Variants in ITGAM observed in about 807,000 individuals in gnomAD.
The protein encoded by ITGAM is integrin alpha-M.
Under a neutral mutation model 137.5 loss-of-function variants are expected in ITGAM, and 79 were observed. The observed-to-expected ratio is 0.57, with a 90% confidence interval of 0.48 to 0.69. The LOEUF (loss-of-function observed/expected upper bound fraction) is 0.69. ITGAM is among the 30% of genes least tolerant of loss of function. The probability of loss-of-function intolerance (pLI) is 0.00; values close to 1 mark genes in which losing one functional copy is unlikely to be tolerated. For missense variants in ITGAM, 1,343 were observed against 1,483.5 expected (o/e 0.91, Z 1.56); for synonymous variants, 583 against 592.3 (o/e 0.98, Z 0.23).
rs1372501261 is a variant in ITGAM at position 31,289,198 on chromosome 16, G to A, written c.1357-8316G>A. 4.6e-5 allele frequency among the ~76,000 whole-genome samples: 7 copies of A among 152,184 alleles called. No homozygotes were observed. The East Asian group carries it at 7.7e-4, about 17-fold the overall frequency. On this transcript the variant is annotated intron_variant, in intron 12 of 29. Transcript: ENST00000544665. Reference sequence around the variant, plus strand: ...CAACCATTGTGGAAGACAGTGTGGCGATTCCTCAAGGATCTAGAACTAGAA... The same window carrying A: ...CAACCATTGTGGAAGACAGTGTGGCAATTCCTCAAGGATCTAGAACTAGAA...
intron 12 of ITGAM, among the ~76,000 whole-genome samples, chr16:31,288,499 A>C (rs1025178751): frequency 6.6e-6 from 1 of 152,192 alleles, no homozygotes; most frequent in African/African-American, 2.4e-5. Flanking sequence ...CAAAAACAAG[A>C]AATGGGGAAA....
chr16:31,311,462 A>C (rs988431838), intron 14 of ITGAM, among the ~76,000 whole-genome samples: 23 of 152,340 alleles, frequency 1.5e-4, no homozygotes, highest in Admixed American at 4.6e-4. Flanking sequence ...ACCCCATCAA[A>C]AAGTGGGTGA....
chr16:31,320,900 G>A (rs1049061144), intron 14 of ITGAM, among the ~76,000 whole-genome samples: 8 of 152,164 alleles, frequency 5.3e-5, no homozygotes, highest in East Asian at 1.9e-4. Flanking sequence ...GGGGTTGGGC[G>A]TGGCGGCTCA....
At chr16:31,302,540 TTG>T (rs2080218162) in intron 14 of ITGAM, among the ~76,000 whole-genome samples, 1 of 151,140 alleles carries the variant, frequency 6.6e-6, no homozygotes, top group Non-Finnish European at 1.5e-5. Context: ...TCTTTTGTTT[TTG>T]TTTTTGTTTT....
At chr16:31,329,574 T>A (rs1024525241) in intron 24 of ITGAM, among the ~76,000 whole-genome samples, 2 of 151,370 alleles carry the variant, frequency 1.3e-5, no homozygotes, top group South Asian at 4.2e-4. Context: ...CTCAGAGAGG[T>A]TTACAGAACA....
chr16:31,299,693 G>A (rs988387705), intron 14 of ITGAM, among the ~76,000 whole-genome samples: 2 of 151,906 alleles, frequency 1.3e-5, no homozygotes, highest in Non-Finnish European at 2.9e-5. Context: ...TTAGAATAAC[G>A]TCCTCCAGGT....
At chr16:31,300,239 A>T (rs1355307826) in intron 14 of ITGAM, among the ~76,000 whole-genome samples, 1 of 152,188 alleles carries the variant, frequency 6.6e-6, no homozygotes. Flanking sequence ...GCTGCAATGA[A>T]CATGGGCACG....
chr16:31,319,829 T>C (rs1221738481), intron 14 of ITGAM, among the ~76,000 whole-genome samples: 1 of 151,972 alleles, frequency 6.6e-6, no homozygotes, highest in African/African-American at 2.4e-5. Flanking sequence ...TTTTTTTTTT[T>C]TGAGACGGAA....
Position 31,272,008 on chromosome 16 carries a change from T to G in ITGAM, c.704+16T>G, listed in dbSNP as rs2144288852. On this transcript the variant is annotated intron_variant, in intron 7 of 29. Transcript: ENST00000544665. ...GCAAAGTGGTGTAAGCTTCCCCTTT[T>G]CCCTTAGGATGGAGGGAGGAGGAGA... The G allele has an allele frequency of 6.2e-7, 1 of 1,613,892 alleles. No individual in the cohort carries two copies. The highest frequency in any genetic ancestry group is 2.2e-5 in the East Asian group (1 of 44,864).
Position 31,324,421 on chromosome 16 carries a change from T to C in ITGAM, c.2025T>C (p.Thr675=). The C allele has an allele frequency of 6.4e-7, 1 of 1,552,474 alleles. No individual in the cohort carries two copies. ...LREGQIQSVV[T]YDLALDSGRP... ...CAGGACAGATCCAGAGTGTTGTGAC[T>C]TATGACCTGGCTCTGGACTCCGGCC... Residue 675 remains threonine (T), a synonymous_variant, in exon 17 of 30, where the codon ACT becomes ACC. Coordinates refer to ENST00000544665, the MANE Select transcript of ITGAM (RefSeq NM_000632.4). This position sits in a 1 kb window ranked among gnomAD's most constrained non-coding sequence, Gnocchi z 4.5.
chr16:31,268,164 C>A (rs2079790885), intron 5 of ITGAM, among the ~76,000 whole-genome samples: 1 of 152,118 alleles, frequency 6.6e-6, no homozygotes, highest in African/African-American at 2.4e-5. Flanking sequence ...TCACCCCCGG[C>A]TGGCCTCCAG....
At chr16:31,272,234 G>A (rs1250270383) in intron 7 of ITGAM, among the ~76,000 whole-genome samples, 3 of 151,086 alleles carry the variant, frequency 2.0e-5, no homozygotes, top group African/African-American at 7.3e-5. Flanking sequence ...AGGCCAGGGA[G>A]CCAAAGGCAG....
At position 31,308,369 on chromosome 16, in the gene ITGAM, T is replaced by G. The variant is rs2080287490; in HGVS notation, c.1707+10415T>G. Among the ~76,000 whole-genome samples the G allele has an allele frequency of 4.6e-5, 7 of 152,198 alleles. No individual in the cohort carries two copies. In the South Asian group the frequency reaches 1.4e-3, roughly 31 times the overall value. On this transcript the variant is annotated intron_variant, in intron 14 of 29. Transcript: ENST00000544665. ...TCAGAGATTCAGCTTCTTCCTGGTTTAGTCTTGGGAGAGTGTATGTGTCGA... is the reference window on the plus strand; with the variant it reads ...TCAGAGATTCAGCTTCTTCCTGGTTGAGTCTTGGGAGAGTGTATGTGTCGA...
intron 11 of ITGAM, among the ~76,000 whole-genome samples, chr16:31,277,594 G>A (rs952399973): frequency 1.3e-5 from 2 of 152,046 alleles, no homozygotes; most frequent in Non-Finnish European, 2.9e-5. Context: ...CCAACCTCAG[G>A]TGATCCACCT....
At position 31,281,863 on chromosome 16, in the gene ITGAM, A is replaced by G. The variant is rs1328891684; in HGVS notation, c.1356+3754A>G. ...CTTTCTCTTGTGGGCATTTAGTGCT[A>G]TAAATTTCCCTCTACACACTGCTTT... On this transcript the variant is annotated intron_variant, in intron 12 of 29. Transcript: ENST00000544665. 2.6e-5 allele frequency among the ~76,000 whole-genome samples: 4 copies of G among 152,220 alleles called. No homozygotes were observed. In the South Asian group the frequency reaches 6.2e-4, roughly 24 times the overall value.
chr16:31,271,070 A>C lies in ITGAM; in HGVS notation c.544A>C (p.Lys182Gln). 6.4e-7 allele frequency: 1 copy of C among 1,574,342 alleles called. No individual in the cohort carries two copies. Among genetic ancestry groups the C allele is most frequent in the South Asian group, 1.2e-5 (1 of 84,928 alleles). ...FVSTVMEQLK[K>Q]SKTLFSLMQY... is the part of the protein sequence containing the mutation. Reference sequence around the variant, plus strand: ...CTCAACTGTGATGGAGCAATTAAAAAAGTCCAAAACCTTGGTGAGGGCCCA... The same window carrying C: ...CTCAACTGTGATGGAGCAATTAAAACAGTCCAAAACCTTGGTGAGGGCCCA... Residue 182 changes from lysine to glutamine, a missense_variant, in exon 6 of 30, where the codon AAG (lysine) becomes CAG (glutamine). By Grantham distance (53) the Lys-to-Gln change is moderately conservative. Transcript: ENST00000544665.
chr16:31,331,355 C>T (rs1168027286), intron 29 of ITGAM, 80 bp downstream of exon 29: 1 of 859,364 alleles, frequency 1.2e-6, no homozygotes, highest in Non-Finnish European at 1.9e-6. Context: ...GTTTCCCCGG[C>T]GGGGCTGCCA....
chr16:31,290,589 G>C (rs7190807), intron 12 of ITGAM, among the ~76,000 whole-genome samples: 36,251 of 151,878 alleles, frequency 0.24, 6,859 homozygotes, highest in African/African-American at 0.52. Context: ...ACTTCCTCAA[G>C]CTGAAAAAGA....
At chr16:31,285,240 A>T (rs2080016232) in intron 12 of ITGAM, among the ~76,000 whole-genome samples, 1 of 152,188 alleles carries the variant, frequency 6.6e-6, no homozygotes, top group South Asian at 2.1e-4. Context: ...TGGTTAGGTC[A>T]TGAGTTGATC....
Sources: allele counts gnomAD v4.1 joint callset (sites outside exome capture counted in the v4.1 genomes callset), GRCh38; gene constraint gnomAD v4.1.1; non-coding constraint Gnocchi (gnomAD v3.1); transcripts MANE v1.5; gene names NCBI Gene and HGNC (gene_info 2026-07-23, HGNC 2026-07-21).